HDGFL3: variants seen among roughly 807,000 people sequenced by gnomAD.
HDGFL3 encodes the protein hepatoma-derived growth factor-related protein 3.
Under a neutral mutation model 27.6 loss-of-function variants are expected in HDGFL3, and 6 were observed. That is an observed-to-expected ratio of 0.22 (90% CI 0.12 to 0.43). HDGFL3 has a LOEUF of 0.43. Among genes scored for constraint, HDGFL3 ranks in the 20% least tolerant of loss-of-function variants. The pLI is 1.00. For missense variants in HDGFL3, 207 were observed against 250.1 expected (o/e 0.83, Z 1.16); for synonymous variants, 88 against 88.9 (o/e 0.99, Z 0.05).
chr15:83,199,968 T>A (rs1282296581), intron 1 of HDGFL3, among the ~76,000 whole-genome samples: 1 of 143,816 alleles, frequency 7.0e-6, no homozygotes. Context: ...TTGCTTAAAC[T>A]CAGGAGGCAG....
At chr15:83,169,514 A>G (rs1418879466) in intron 1 of HDGFL3, among the ~76,000 whole-genome samples, 1 of 150,862 alleles carries the variant, frequency 6.6e-6, no homozygotes, top group East Asian at 2.0e-4. Flanking sequence ...TATCTTAAAA[A>G]CCCTAGGCCA....
intron 4 of HDGFL3, among the ~76,000 whole-genome samples, chr15:83,155,019 A>G (rs928266896): frequency 6.6e-6 from 1 of 151,952 alleles, no homozygotes; most frequent in African/African-American, 2.4e-5. Flanking sequence ...AGGTGTGAGC[A>G]ATCACTCCTG....
At chr15:83,151,813 T>C (rs575324895) in intron 4 of HDGFL3, among the ~76,000 whole-genome samples, 46 of 152,344 alleles carry the variant, frequency 3.0e-4, no homozygotes, top group African/African-American at 1.1e-3. Context: ...TAGATATTCA[T>C]GCTGGAACAC....
chr15:83,155,958 A>G (rs1267179730), intron 4 of HDGFL3, among the ~76,000 whole-genome samples: 2 of 152,212 alleles, frequency 1.3e-5, no homozygotes, highest in Non-Finnish European at 2.9e-5. Flanking sequence ...GAATTACCAT[A>G]TGAAAAAACC....
Position 83,131,338 on chromosome 15 carries a change from T to TGGTTAC in HDGFL3, c.*7931_*7932insGTAACC, listed in dbSNP as rs2036232619. On this transcript the variant is annotated 3_prime_UTR_variant, in exon 6 of 6. Transcript: ENST00000299633. ...GATCAGTATAGGCCAATGGAAGAAA[T>TGGTTAC]ATTGAGTAGTGGCCAGGCGCAGTGG... 1.3e-5 allele frequency: 2 copies of TGGTTAC among 151,472 alleles called. No homozygotes were observed. Among genetic ancestry groups the TGGTTAC allele is most frequent in the Admixed American group, 1.3e-4 (2 of 15,178 alleles). The allele number at this position is 151,472 out of a possible 1,614,324, so 9.4% of individuals were successfully genotyped here. A position where few individuals can be genotyped will look rare whatever the true frequency, so the allele number is the denominator to read the frequency against.
Position 83,136,745 on chromosome 15 carries a change from T to C in HDGFL3, c.*2525A>G, listed in dbSNP as rs953454378. On this transcript the variant is annotated 3_prime_UTR_variant, in exon 6 of 6. Transcript: ENST00000299633. The stretch of plus-strand genomic sequence containing the variant: ...ACTGGTACTGATATTTTGTCCCATT[T>C]CACTCTCTTCTCATACGTGAGTACT... 57 of 1,287,344 alleles carry C rather than the reference T, an allele frequency of 4.4e-5. 1 individual carries two copies. The Middle Eastern group carries it at 4.7e-3, about 106-fold the overall frequency. 79.7% of individuals were successfully genotyped at this position (1,287,344 alleles called of 1,614,324 possible).
chr15:83,194,575 A>C (rs2037548059), intron 1 of HDGFL3, among the ~76,000 whole-genome samples: 1 of 152,222 alleles, frequency 6.6e-6, no homozygotes, highest in Non-Finnish European at 1.5e-5. Flanking sequence ...TTTTACAATT[A>C]AAATTTTTTT....
chr15:83,151,362 C>T lies in HDGFL3; in HGVS notation c.460-1G>A. Reference sequence around the variant, plus strand: ...ATTTCCGGGACTGTTTAGAGGATTTCTAAATGTTTAGACAAGTTAAATATT... The same window carrying T: ...ATTTCCGGGACTGTTTAGAGGATTTTTAAATGTTTAGACAAGTTAAATATT... On this transcript the variant is annotated splice_acceptor_variant, in intron 4 of 5. Transcript: ENST00000299633. LOFTEE classifies it high-confidence loss of function. 6.2e-7 allele frequency: 1 copy of T among 1,604,838 alleles called. No homozygotes were observed. Among genetic ancestry groups the T allele is most frequent in the Non-Finnish European group, 8.5e-7 (1 of 1,176,966 alleles).
intron 1 of HDGFL3, among the ~76,000 whole-genome samples, chr15:83,170,876 C>CAA (rs34510031): frequency 1.8e-3 from 140 of 77,716 alleles, no homozygotes; most frequent in East Asian, 1.9e-3. Context: ...ATTCAACAAG[C>CAA]AAAAAAAAAA....
intron 1 of HDGFL3, among the ~76,000 whole-genome samples, chr15:83,189,985 T>C (rs2037492049): frequency 6.6e-6 from 1 of 152,072 alleles, no homozygotes; most frequent in Non-Finnish European, 1.5e-5. Flanking sequence ...GTGGGATCAT[T>C]GCTTGAGCCC....
chr15:83,169,073 C>T (rs1278769540), intron 1 of HDGFL3: 2 of 180,740 alleles, frequency 1.1e-5, no homozygotes, highest in African/African-American at 4.8e-5. Flanking sequence ...AAAATCCCTT[C>T]ATGATCAAAA....
chr15:83,115,261 G>C, exon 4 of HDGFL3: 1 of 207,500 alleles, frequency 4.8e-6, no homozygotes, highest in South Asian at 8.4e-5. Context: ...GGGATTACAG[G>C]CGTGCACCAC....
intron 1 of HDGFL3, among the ~76,000 whole-genome samples, chr15:83,187,502 CATA>C (rs1394378223): frequency 2.6e-5 from 4 of 152,110 alleles, no homozygotes; most frequent in Non-Finnish European, 5.9e-5. Context: ...TTAATGGCCG[CATA>C]ATAATACAGC....
intron 1 of HDGFL3, among the ~76,000 whole-genome samples, chr15:83,200,579 T>C (rs1031257160): frequency 1.1e-4 from 17 of 152,350 alleles, no homozygotes; most frequent in Non-Finnish European, 2.2e-4. Flanking sequence ...GTAACTTAAT[T>C]GGAACTTAAT....
At chr15:83,184,252 T>A (rs1276267797) in intron 1 of HDGFL3, among the ~76,000 whole-genome samples, 1 of 152,258 alleles carries the variant, frequency 6.6e-6, no homozygotes, top group Non-Finnish European at 1.5e-5. Flanking sequence ...TCAAGTCTGA[T>A]AAATAGGGCT....
Position 83,207,473 on chromosome 15 carries a change from C to A in HDGFL3, c.-59G>T, listed in dbSNP as rs1221599727. On this transcript the variant is annotated 5_prime_UTR_variant, in exon 1 of 6. Coordinates refer to ENST00000299633, the MANE Select transcript of HDGFL3 (RefSeq NM_016073.4). This position sits in a 1 kb window ranked among gnomAD's most constrained non-coding sequence, Gnocchi z 4.8. Reference sequence around the variant, plus strand: ...GCCGCGAAGATGCCGGGAGGCCGCCCCCCCGCGGGCCGACGAATTGCGCCG... The same window carrying A: ...GCCGCGAAGATGCCGGGAGGCCGCCACCCCGCGGGCCGACGAATTGCGCCG... 2 of 1,210,066 alleles carry A rather than the reference C, an allele frequency of 1.7e-6. No homozygotes were observed. Among genetic ancestry groups the A allele is most frequent in the Non-Finnish European group, 2.1e-6 (2 of 955,902 alleles). 75.0% of individuals were successfully genotyped at this position (1,210,066 alleles called of 1,614,324 possible). A position where few individuals can be genotyped will look rare whatever the true frequency, so the allele number is the denominator to read the frequency against.
intron 1 of HDGFL3, among the ~76,000 whole-genome samples, chr15:83,182,217 T>C (rs1034076071): frequency 2.0e-5 from 3 of 152,192 alleles, no homozygotes; most frequent in Non-Finnish European, 2.9e-5. Context: ...CAAACTAAAG[T>C]GTTATAATGC....
chr15:83,192,118 T>G (rs766454578), intron 1 of HDGFL3: 9 of 295,170 alleles, frequency 3.0e-5, no homozygotes, highest in Non-Finnish European at 5.3e-5. Flanking sequence ...ATTTTTTGTA[T>G]TTTTGTAGAG....
downstream of HDGFL3, chr15:83,124,578 T>A: frequency 1.0e-6 from 1 of 952,476 alleles, no homozygotes; most frequent in Non-Finnish European, 1.6e-6. Flanking sequence ...ATCTTCAAAA[T>A]TCTCTTATCC....
Sources: gnomAD v4.1 joint callset for allele counts (sites outside exome capture counted in the v4.1 genomes callset) on GRCh38, gnomAD v4.1.1 for gene constraint, Gnocchi (gnomAD v3.1) non-coding constraint, MANE v1.5 for transcripts, NCBI Gene and HGNC (gene_info 2026-07-23, HGNC 2026-07-21) for gene names.